The following CACNA1A variants were observed in gnomAD, a reference collection of about 807,000 sequenced individuals.
The protein encoded by CACNA1A is voltage-dependent P/Q-type calcium channel subunit alpha-1A.
A neutral mutation model predicts 262.4 loss-of-function variants in CACNA1A; 57 were observed. That is an observed-to-expected ratio of 0.22 (90% CI 0.18 to 0.27). The LOEUF (loss-of-function observed/expected upper bound fraction) is 0.27. Among genes scored for constraint, CACNA1A ranks in the 10% least tolerant of loss-of-function variants. The probability of loss-of-function intolerance (pLI) is 1.00; values close to 1 mark genes in which losing one functional copy is unlikely to be tolerated. For missense variants in CACNA1A, 2,526 were observed against 3,562.8 expected, an observed-to-expected ratio of 0.71 and a Z score of 7.41; for synonymous variants, 1,431 against 1,419.3, an observed-to-expected ratio of 1.01 and a Z score of -0.18.
At chr19:13,348,111 A>C (rs2058827595) in intron 6 of CACNA1A, among the ~76,000 whole-genome samples, 1 of 151,974 alleles carries the variant, frequency 6.6e-6, no homozygotes, top group Admixed American at 6.6e-5. Flanking sequence ...TTTTTTAAAG[A>C]TGGGGTCTTG....
At chr19:13,366,170 G>C (rs1048184546) in intron 4 of CACNA1A, 4 of 152,146 alleles carry the variant, frequency 2.6e-5, no homozygotes, top group African/African-American at 7.2e-5. Context: ...CACCGTGTTA[G>C]CCAGGATGGT....
Position 13,276,931 on chromosome 19 carries a change from C to T in CACNA1A, c.3882+138G>A, listed in dbSNP as rs1348062186. ...TTCACCATGTTGGCCAGGCTGGCCT[C>T]AACCTCCTGATCTCAAGTGATCTGC... On this transcript the variant is annotated intron_variant, in intron 23 of 46. Coordinates refer to ENST00000360228, the MANE Select transcript of CACNA1A (RefSeq NM_001127222.2). 8.5e-6 allele frequency: 5 copies of T among 587,970 alleles called. No individual in the cohort carries two copies. The East Asian group carries it at 1.3e-4, about 15-fold the overall frequency. 36.4% of individuals were successfully genotyped at this position (587,970 alleles called of 1,614,324 possible). A position where few individuals can be genotyped will look rare whatever the true frequency, so the allele number is the denominator to read the frequency against.
chr19:13,369,980 A>G (rs2059289165), intron 4 of CACNA1A, among the ~76,000 whole-genome samples: 1 of 152,234 alleles, frequency 6.6e-6, no homozygotes, highest in Admixed American at 6.5e-5. Flanking sequence ...AACGAAGCCA[A>G]TAAAATGTAA....
Position 13,317,225 on chromosome 19 carries a change from C to T in CACNA1A, c.1442G>A (p.Arg481His), listed in dbSNP as rs763944721. 1.2e-5 allele frequency: 20 copies of T among 1,613,342 alleles called. No individual in the cohort carries two copies. Among genetic ancestry groups the T allele is most frequent in the African/African-American group, 8.0e-5 (6 of 74,902 alleles). ...GTAGAAGGCCTGAGTTTTGACCATG[C>T]GGCGGATGTAGAAACGCATCCTCCT... ...KERRMRFYIR[R>H]MVKTQAFYWT... Residue 481 changes from arginine to histidine, a missense_variant, in exon 11 of 47, where the codon CGC becomes CAC. Arg to His is a conservative substitution (Grantham distance 29, BLOSUM62 0). Transcript: ENST00000360228.
chr19:13,491,648 T>G (rs1227880600), intron 1 of CACNA1A, among the ~76,000 whole-genome samples: 1 of 152,160 alleles, frequency 6.6e-6, no homozygotes, highest in Non-Finnish European at 1.5e-5. Context: ...CACTAAATCT[T>G]GTGGCTGCCA....
At chr19:13,462,065 T>C (rs2061133804) in intron 1 of CACNA1A, among the ~76,000 whole-genome samples, 1 of 152,220 alleles carries the variant, frequency 6.6e-6, no homozygotes, top group Non-Finnish European at 1.5e-5. Context: ...AGGACCTTGC[T>C]CTTCAGATTC....
chr19:13,252,780 C>T, intron 30 of CACNA1A: 2 of 405,094 alleles, frequency 4.9e-6, no homozygotes, highest in Non-Finnish European at 4.4e-6. Context: ...ACATAAGCAG[C>T]CATATGGTAA....
intron 3 of CACNA1A, among the ~76,000 whole-genome samples, chr19:13,426,579 G>A (rs997474247): frequency 1.3e-5 from 2 of 152,096 alleles, no homozygotes; most frequent in South Asian, 2.1e-4. Context: ...GATGAAGCAG[G>A]ATTAAAAAAG....
In CACNA1A at chr19:13,212,825, T is replaced by TATAC; in HGVS notation, c.5941-89_5941-86dup. ...CCAGAAGGCATTGCGACATCCCCAG[T>TATAC]ATACACACACACACACACACACACT... is the stretch of plus-strand genomic sequence containing the variant. On this transcript the variant is annotated intron_variant, in intron 40 of 46. Transcript: ENST00000360228. The surrounding 1 kb of genome is among the most constrained non-coding windows in gnomAD (Gnocchi z 5.6). The TATAC allele has an allele frequency of 1.8e-6, 1 of 548,552 alleles. No homozygotes were observed. The highest frequency in any genetic ancestry group is 3.1e-6 in the Non-Finnish European group (1 of 320,354). 34.0% of individuals were successfully genotyped at this position (548,552 alleles called of 1,614,324 possible). A position where few individuals can be genotyped will look rare whatever the true frequency, so the allele number is the denominator to read the frequency against.
chr19:13,319,285 T>A (rs2058197359), intron 10 of CACNA1A, among the ~76,000 whole-genome samples: 1 of 152,242 alleles, frequency 6.6e-6, no homozygotes, highest in Admixed American at 6.5e-5. Flanking sequence ...TCATTCATTC[T>A]TTCATCCATC....
chr19:13,397,383 G>A (rs1245737344), intron 3 of CACNA1A, among the ~76,000 whole-genome samples: 2 of 152,216 alleles, frequency 1.3e-5, no homozygotes, highest in Admixed American at 6.5e-5. Flanking sequence ...GAGGAGGTGG[G>A]TGGAAGAACT....
intron 5 of CACNA1A, among the ~76,000 whole-genome samples, chr19:13,360,052 A>G (rs1340612007): frequency 7.2e-6 from 1 of 138,110 alleles, no homozygotes; most frequent in Non-Finnish European, 1.6e-5. Flanking sequence ...TTCTTTTCCT[A>G]AACTTTTGAG....
At chr19:13,348,202 C>A (rs952747600) in intron 6 of CACNA1A, among the ~76,000 whole-genome samples, 1 of 151,968 alleles carries the variant, frequency 6.6e-6, no homozygotes, top group African/African-American at 2.4e-5. Flanking sequence ...GGATTCCAGG[C>A]GTGAGCCACC....
intron 6 of CACNA1A, among the ~76,000 whole-genome samples, chr19:13,349,125 T>C (rs142836768): frequency 6.6e-6 from 1 of 151,942 alleles, no homozygotes; most frequent in Non-Finnish European, 1.5e-5. Context: ...CCTGGCTTTG[T>C]CACTCTTGGC....
chr19:13,324,246 G>A (rs2058309678), intron 10 of CACNA1A, among the ~76,000 whole-genome samples: 1 of 152,128 alleles, frequency 6.6e-6, no homozygotes, highest in Non-Finnish European at 1.5e-5. Flanking sequence ...GAGGAGGAGG[G>A]ATTGAGAAGG....
At chr19:13,408,382 G>C (rs1362644857) in intron 3 of CACNA1A, among the ~76,000 whole-genome samples, 1 of 152,030 alleles carries the variant, frequency 6.6e-6, no homozygotes, top group Non-Finnish European at 1.5e-5. Context: ...AAATATATAT[G>C]TGGTGAAACA....
intron 3 of CACNA1A, among the ~76,000 whole-genome samples, chr19:13,408,280 G>A (rs1254995948): frequency 6.6e-6 from 1 of 152,114 alleles, no homozygotes; most frequent in Non-Finnish European, 1.5e-5. Flanking sequence ...TGAGGTGGGA[G>A]GACTGCTTGA....
intron 6 of CACNA1A, 141 bp downstream of exon 6, chr19:13,359,465 G>C (rs1272630291): frequency 1.6e-6 from 1 of 630,210 alleles, no homozygotes; most frequent in East Asian, 2.8e-5. Flanking sequence ...CCTCAGGCCA[G>C]CTTCAGTGGG....
chr19:13,359,558 C>G, intron 6 of CACNA1A, 48 bp downstream of exon 6: 1 of 1,486,096 alleles, frequency 6.7e-7, no homozygotes, highest in Non-Finnish European at 9.3e-7. Context: ...AGGAGGCCAC[C>G]TCCCTGAGAC....
Sources: allele counts gnomAD v4.1 joint callset (sites outside exome capture counted in the v4.1 genomes callset), GRCh38; gene constraint gnomAD v4.1.1; non-coding constraint Gnocchi (gnomAD v3.1); transcripts MANE v1.5; gene names NCBI Gene and HGNC (gene_info 2026-07-23, HGNC 2026-07-21).